Variants in EIF4H observed in about 807,000 individuals in gnomAD.
The protein encoded by EIF4H is Williams-Beuren syndrome chromosome region 1.
EIF4H carries 8 observed loss-of-function variants against 30.6 expected under a neutral mutation model. The ratio of observed to expected loss-of-function variants is 0.26; its 90% CI spans 0.15 to 0.47. The LOEUF (loss-of-function observed/expected upper bound fraction) is 0.47. EIF4H is among the 20% of genes least tolerant of loss of function. The pLI, the probability that EIF4H is intolerant of heterozygous loss-of-function variation, is 0.99. For synonymous variants in EIF4H, 106 were observed against 122.7 expected, an observed-to-expected ratio of 0.86 and a Z score of 0.90; for missense variants, 188 against 339.5, an observed-to-expected ratio of 0.55 and a Z score of 3.51.
Position 74,190,402 on chromosome 7 carries a change from T to A in EIF4H, c.469+96T>A, listed in dbSNP as rs558042353. The A allele has an allele frequency of 3.3e-6, 4 of 1,213,468 alleles. No individual in the cohort carries two copies. In the South Asian group the frequency reaches 3.8e-5, roughly 11 times the overall value. The allele number at this position is 1,213,468 out of a possible 1,614,324, so 75.2% of individuals were successfully genotyped here. ...GTAGCCCGCCTGGCCGGACTACTTA[T>A]TTAGTTCCTTTAACAAATACAACTC... On this transcript the variant is annotated intron_variant, in intron 5 of 6. Transcript: ENST00000265753.
intron 1 of EIF4H, among the ~76,000 whole-genome samples, chr7:74,182,412 A>G (rs1409633652): frequency 6.6e-6 from 1 of 152,144 alleles, no homozygotes; most frequent in African/African-American, 2.4e-5. Flanking sequence ...GCTGGTCTCA[A>G]ACTCCTGAGC....
At chr7:74,192,215 C>T (rs1204834689) in intron 5 of EIF4H, among the ~76,000 whole-genome samples, 3 of 152,082 alleles carry the variant, frequency 2.0e-5, no homozygotes, top group African/African-American at 7.2e-5. Context: ...TTTGTACTCA[C>T]GTGGAAAGGT....
chr7:74,179,134 G>A (rs927983380), intron 1 of EIF4H, among the ~76,000 whole-genome samples: 18 of 152,132 alleles, frequency 1.2e-4, no homozygotes, highest in African/African-American at 4.1e-4. Flanking sequence ...CTCCACTCTT[G>A]GAATGTGTTG....
chr7:74,183,777 G>A (rs1801018614), intron 1 of EIF4H: 1 of 152,102 alleles, frequency 6.6e-6, no homozygotes, highest in Non-Finnish European at 1.5e-5. Flanking sequence ...TATGTGATGT[G>A]TACTCTGGGG....
At chr7:74,174,763 C>A (rs190040277) in intron 1 of EIF4H, among the ~76,000 whole-genome samples, 14 of 152,378 alleles carry the variant, frequency 9.2e-5, no homozygotes, top group Admixed American at 8.5e-4. Context: ...CCCCATCCCC[C>A]CTACGGTAGG....
intron 1 of EIF4H, among the ~76,000 whole-genome samples, chr7:74,185,105 CT>C (rs1801052370): frequency 1.3e-5 from 2 of 152,128 alleles, no homozygotes; most frequent in Non-Finnish European, 2.9e-5. Flanking sequence ...ATCCTCCCAC[CT>C]CAGCCTCCCA....
intron 1 of EIF4H, among the ~76,000 whole-genome samples, chr7:74,179,424 T>C (rs1304296919): frequency 6.6e-6 from 1 of 152,062 alleles, no homozygotes; most frequent in Non-Finnish European, 1.5e-5. Context: ...CTGAGGTCAG[T>C]AGTCTGAGAC....
In EIF4H at chr7:74,180,689, C is replaced by G. The variant is rs1233464525; in HGVS notation, c.59+6247C>G. 3.9e-5 allele frequency among the ~76,000 whole-genome samples: 6 copies of G among 152,264 alleles called. 1 individual carries two copies. Among genetic ancestry groups the G allele is most frequent in the African/African-American group, 1.4e-4 (6 of 41,552 alleles). On this transcript the variant is annotated intron_variant, in intron 1 of 6. Transcript: ENST00000265753. ...AAGAAGAAGGTGATAGTGGGGATGG[C>G]CAGGCTCTGAAACTTCATCTTAGGA...
chr7:74,189,629 C>T (rs782030365), intron 2 of EIF4H, 44 bp from the exon 3 acceptor site: 3 of 1,608,638 alleles, frequency 1.9e-6, no homozygotes, highest in Non-Finnish European at 2.5e-6. Context: ...ACATCTTTAA[C>T]CCAGAATTAC....
At chr7:74,176,239 C>CTT (rs1283931267) in intron 1 of EIF4H, among the ~76,000 whole-genome samples, 122 of 137,694 alleles carry the variant, frequency 8.9e-4, no homozygotes, top group African/African-American at 3.1e-3. Flanking sequence ...CATGTGTATT[C>CTT]TTTTTTTTTT....
At chr7:74,175,661 C>T (rs1554707545) in intron 1 of EIF4H, among the ~76,000 whole-genome samples, 1 of 151,556 alleles carries the variant, frequency 6.6e-6, no homozygotes, top group Admixed American at 6.6e-5. Context: ...GAAATTATCG[C>T]CTTTGGGTTA....
chr7:74,174,631 T>C (rs557620343), intron 1 of EIF4H, among the ~76,000 whole-genome samples, 189 bp downstream of exon 1: 1 of 152,076 alleles, frequency 6.6e-6, no homozygotes, highest in South Asian at 2.1e-4. Context: ...GCGGCTGGGC[T>C]CCCGGGGTCT....
chr7:74,192,787 C>T (rs1554710150), intron 5 of EIF4H, among the ~76,000 whole-genome samples: 1 of 149,264 alleles, frequency 6.7e-6, no homozygotes, highest in Non-Finnish European at 1.5e-5. Context: ...AAGCGATTCT[C>T]CTGCCTCAGC....
At chr7:74,176,272 T>G (rs529890080) in intron 1 of EIF4H, among the ~76,000 whole-genome samples, 21 of 151,816 alleles carry the variant, frequency 1.4e-4, no homozygotes, top group Non-Finnish European at 2.6e-4. Context: ...AGTTTCACTC[T>G]TGTTGCCCAA....
chr7:74,191,188 A>AT (rs1563954187), intron 5 of EIF4H: 8 of 533,710 alleles, frequency 1.5e-5, no homozygotes. Context: ...TATAGTTCTT[A>AT]AAAGTCCTGT....
At chr7:74,187,520 C>T (rs782781045) in intron 1 of EIF4H, 91 bp from the exon 2 acceptor site, 44 of 1,304,836 alleles carry the variant, frequency 3.4e-5, no homozygotes, top group Admixed American at 5.2e-5. Context: ...TCACCTGGGG[C>T]GCTGGCGGCG....
Position 74,195,293 on chromosome 7 carries a change from A to G in EIF4H, c.732A>G (p.Gln244=), listed in dbSNP as rs782622576. Residue 244 remains glutamine (Q), a synonymous_variant, in exon 7 of 7, where the codon CAA becomes CAG. Coordinates refer to ENST00000265753, the MANE Select transcript of EIF4H (RefSeq NM_022170.2). The stretch of plus-strand genomic sequence containing the variant: ...CCAGGCCTAGAGAGGAAGTCGTTCA[A>G]AAGGAGCAAGAATGAGCCTGCGGTT... ...GGARPREEVV[Q]KEQE is the part of the protein sequence containing the mutation. 4.3e-6 allele frequency: 7 copies of G among 1,613,748 alleles called. No homozygotes were observed. Among genetic ancestry groups the G allele is most frequent in the African/African-American group, 2.7e-5 (2 of 74,908 alleles).
intron 1 of EIF4H, among the ~76,000 whole-genome samples, chr7:74,182,396 C>T (rs545886316): frequency 4.1e-4 from 63 of 152,294 alleles, no homozygotes; most frequent in African/African-American, 1.5e-3. Flanking sequence ...TTGCCGTGTT[C>T]CCCACGCTGG....
chr7:74,194,807 C>A lies in EIF4H; in HGVS notation c.536C>A (p.Pro179His), dbSNP rs1554710460. The part of the protein sequence containing the change: ...SRPGDRRTGP[P>H]MGSRFRDGPP... ...CCAGGCGACCGGCGAACAGGCCCCC[C>A]CATGGGCAGCCGCTTCAGAGATGGC... Residue 179 changes from proline (P) to histidine (H), a missense_variant, in exon 6 of 7, where the codon CCC (proline) becomes CAC (histidine). This residue lies in a region of EIF4H where 76 missense variants were observed against 85.8 expected (regional missense o/e 0.89). Coordinates refer to ENST00000265753, the MANE Select transcript of EIF4H (RefSeq NM_022170.2). The A allele has an allele frequency of 1.2e-6, 2 of 1,605,826 alleles. No homozygotes were observed. Among genetic ancestry groups the A allele is most frequent in the Admixed American group, 1.7e-5 (1 of 59,868 alleles).
Sources: allele counts gnomAD v4.1 joint callset (sites outside exome capture counted in the v4.1 genomes callset), GRCh38; gene constraint gnomAD v4.1.1; regional missense constraint gnomAD v4.1.1; transcripts MANE v1.5; gene names NCBI Gene and HGNC (gene_info 2026-07-23, HGNC 2026-07-21).